The following PDIA5 variants were observed in gnomAD, a reference collection of about 807,000 sequenced individuals.
PDIA5 encodes the protein protein disulfide isomerase family A member 5.
PDIA5 carries 58 observed loss-of-function variants against 77.6 expected under a neutral mutation model. That is an observed-to-expected ratio of 0.75 (90% CI 0.61 to 0.93). The LOEUF (loss-of-function observed/expected upper bound fraction) is 0.93, where lower values mean the gene tolerates loss of function less well. Among genes scored for constraint, PDIA5 ranks in the 40% least tolerant of loss-of-function variants. The pLI is 0.00. For synonymous variants in PDIA5, 250 were observed against 252.1 expected (o/e 0.99, Z 0.08); for missense variants, 630 against 647.7 (o/e 0.97, Z 0.30).
At chr3:123,072,846 G>A (rs919371739) in intron 1 of PDIA5, among the ~76,000 whole-genome samples, 24 of 151,950 alleles carry the variant, frequency 1.6e-4, no homozygotes, top group Non-Finnish European at 1.2e-4. Flanking sequence ...TGGGGTATAA[G>A]GAGAGGCGGA....
chr3:123,162,021 G>A lies in PDIA5; in HGVS notation c.*61G>A. 9.9e-7 allele frequency: 1 copy of A among 1,007,638 alleles called. No individual in the cohort carries two copies. Among genetic ancestry groups the A allele is most frequent in the Non-Finnish European group, 1.5e-6 (1 of 650,954 alleles). The allele number at this position is 1,007,638 out of a possible 1,614,324, so 62.4% of individuals were successfully genotyped here. ...GAATGATACCTGTTTTGTTGTTTCT[G>A]AATTTCCACATGTTCTGAAGACAAA... On this transcript the variant is annotated 3_prime_UTR_variant, in exon 17 of 17. Transcript: ENST00000316218.
intron 3 of PDIA5, among the ~76,000 whole-genome samples, chr3:123,100,738 C>T (rs1454498132): frequency 6.6e-6 from 1 of 152,212 alleles, no homozygotes; most frequent in African/African-American, 2.4e-5. Flanking sequence ...AAATGAGGTC[C>T]TTCGTTTTTT....
At chr3:123,151,871 G>T (rs1373299187) in intron 14 of PDIA5, among the ~76,000 whole-genome samples, 6 of 117,896 alleles carry the variant, frequency 5.1e-5, no homozygotes, top group South Asian at 2.9e-4. Flanking sequence ...CTTCCTTCCT[G>T]CCCGCCTTCC....
intron 1 of PDIA5, among the ~76,000 whole-genome samples, chr3:123,079,341 C>T (rs1319673568): frequency 3.3e-5 from 5 of 151,814 alleles, no homozygotes; most frequent in African/African-American, 7.3e-5. Flanking sequence ...CCACCACGCC[C>T]GGCTAATTTT....
intron 11 of PDIA5, among the ~76,000 whole-genome samples, chr3:123,142,482 A>C (rs1203379030): frequency 6.6e-6 from 1 of 152,232 alleles, no homozygotes; most frequent in Admixed American, 6.5e-5. Flanking sequence ...CATTCAAAAT[A>C]ATGATGACCT....
At position 123,080,141 on chromosome 3, in the gene PDIA5, C is replaced by T. The variant is rs577459439; in HGVS notation, c.43-9027C>T. Among the ~76,000 whole-genome samples the T allele has an allele frequency of 5.2e-4, 79 of 151,746 alleles. 1 individual carries two copies. Among genetic ancestry groups the T allele is most frequent in the Non-Finnish European group, 9.9e-4 (67 of 67,856 alleles). ...CTGTCTTTGGAGTGTGATAGGCTGA[C>T]AGATGGGTGTGTGTGTGGGGGGGAT... On this transcript the variant is annotated intron_variant, in intron 1 of 16. Coordinates refer to ENST00000316218, the MANE Select transcript of PDIA5 (RefSeq NM_006810.4).
At chr3:123,084,383 T>A (rs1934082304) in intron 1 of PDIA5, among the ~76,000 whole-genome samples, 1 of 151,844 alleles carries the variant, frequency 6.6e-6, no homozygotes, top group Non-Finnish European at 1.5e-5. Context: ...GCCTCCCCAC[T>A]CTGACTGCCT....
chr3:123,093,817 G>A (rs182375099), intron 3 of PDIA5, among the ~76,000 whole-genome samples: 118 of 152,256 alleles, frequency 7.8e-4, no homozygotes, highest in African/African-American at 2.8e-3. Flanking sequence ...CACAGAGGCG[G>A]TCGAGTTCAC....
At position 123,093,403 on chromosome 3, in the gene PDIA5, C is replaced by T. The variant is rs538996666; in HGVS notation, c.257+961C>T. Among the ~76,000 whole-genome samples, 56 of 152,268 alleles carry T rather than the reference C, an allele frequency of 3.7e-4. 1 individual carries two copies. The South Asian group carries it at 9.1e-3, about 25-fold the overall frequency. On this transcript the variant is annotated intron_variant, in intron 3 of 16. Transcript: ENST00000316218. ...ATAGTTGGTCCAAAAGTGTGCTTGC[C>T]TTGACCAGCTGTGCTCTGTGTGACT... is the stretch of plus-strand genomic sequence containing the variant.
intron 3 of PDIA5, among the ~76,000 whole-genome samples, chr3:123,096,473 G>A (rs1263229005): frequency 2.0e-5 from 3 of 152,020 alleles, no homozygotes; most frequent in African/African-American, 4.8e-5. Flanking sequence ...ACAGGCATGC[G>A]CCACCGTGCC....
At chr3:123,111,068 G>C (rs999491849) in intron 7 of PDIA5, 64 bp downstream of exon 7, 1 of 1,263,438 alleles carries the variant, frequency 7.9e-7, no homozygotes, top group Non-Finnish European at 1.2e-6. Context: ...TGGGAGGCAG[G>C]TGGGGGTTGC....
intron 14 of PDIA5, among the ~76,000 whole-genome samples, chr3:123,152,965 C>CTTT (rs5852323): frequency 9.8e-5 from 14 of 143,284 alleles, no homozygotes; most frequent in African/African-American, 3.6e-4. Flanking sequence ...GAGGCAGTGC[C>CTTT]TTTTTTTTTT....
intron 2 of PDIA5, among the ~76,000 whole-genome samples, chr3:123,091,662 C>A (rs1025741710): frequency 6.6e-6 from 1 of 152,210 alleles, no homozygotes; most frequent in Admixed American, 6.5e-5. Context: ...ATCACTCCAT[C>A]CTGTCCCAAG....
chr3:123,121,621 A>T (rs1045513065), intron 8 of PDIA5, among the ~76,000 whole-genome samples: 5 of 152,166 alleles, frequency 3.3e-5, no homozygotes, highest in African/African-American at 1.2e-4. Flanking sequence ...GCCTTAAGGG[A>T]TGGGTGAGTC....
intron 1 of PDIA5, among the ~76,000 whole-genome samples, chr3:123,085,800 T>A (rs1168359741): frequency 1.3e-5 from 2 of 152,228 alleles, no homozygotes; most frequent in African/African-American, 4.8e-5. Context: ...GTTGTTGCTC[T>A]CCGCTGGTCA....
At chr3:123,160,255 G>A (rs1270690991) in intron 15 of PDIA5, among the ~76,000 whole-genome samples, 2 of 152,042 alleles carry the variant, frequency 1.3e-5, no homozygotes, top group Non-Finnish European at 2.9e-5. Context: ...ACCCCTTCTC[G>A]GGCTTCCCTG....
intron 11 of PDIA5, among the ~76,000 whole-genome samples, chr3:123,140,105 G>A (rs1354356754): frequency 6.6e-6 from 1 of 152,078 alleles, no homozygotes; most frequent in Non-Finnish European, 1.5e-5. Flanking sequence ...AGAGGGGTAA[G>A]CCGCATACAG....
chr3:123,093,784 C>T lies in PDIA5; in HGVS notation c.257+1342C>T, dbSNP rs148236161. Among the ~76,000 whole-genome samples the T allele has an allele frequency of 1.0e-2, 1,521 of 152,292 alleles. 31 individuals carry two copies. Among genetic ancestry groups the T allele is most frequent in the African/African-American group, 0.034 (1,417 of 41,550 alleles). ...ATGGAGGGAAAGCCCCTCCATTCTT[C>T]CTGGAAAGGTTGAGAAAAGCTTCAC... On this transcript the variant is annotated intron_variant, in intron 3 of 16. Coordinates refer to ENST00000316218, the MANE Select transcript of PDIA5 (RefSeq NM_006810.4).
rs35252405 is a variant in PDIA5, at chr3:123,079,175, CTTTTTTTTTTTTTT to C, written c.43-9983_43-9970del. 3.9e-4 allele frequency among the ~76,000 whole-genome samples: 37 copies of C among 94,068 alleles called. No homozygotes were observed. In the South Asian group the frequency reaches 0.012, roughly 31 times the overall value. The allele number at this position is 94,068 out of a possible 152,430, so 61.7% of individuals were successfully genotyped here. A position where few individuals can be genotyped will look rare whatever the true frequency, so the allele number is the denominator to read the frequency against. ...GGTTATACCACGTATATTTTGAATT[CTTTTTTTTTTTTTT>C]TTTTTTTTTGAGATGGAGTCTCACT... is the stretch of plus-strand genomic sequence containing the variant. On this transcript the variant is annotated intron_variant, in intron 1 of 16. Transcript: ENST00000316218.
Sources: allele counts gnomAD v4.1 joint callset (sites outside exome capture counted in the v4.1 genomes callset), GRCh38; gene constraint gnomAD v4.1.1; transcripts MANE v1.5; gene names NCBI Gene and HGNC (gene_info 2026-07-23, HGNC 2026-07-21).